Variants in MUC12 observed in about 807,000 individuals in gnomAD.
The protein encoded by MUC12 is mucin-12.
In MUC12, 172 loss-of-function variants were observed where a neutral mutation model predicts 230.8. The ratio of observed to expected loss-of-function variants is 0.75; its 90% confidence interval spans 0.66 to 0.85. The LOEUF is 0.85. Among genes scored for constraint, MUC12 ranks in the 40% least tolerant of loss-of-function variants. MUC12 has a pLI of 0.00. For synonymous variants in MUC12, 1,259 were observed against 2,401.9 expected (o/e 0.52, Z 13.91); for missense variants, 3,506 against 5,920.6 (o/e 0.59, Z 13.38).
At chr7:100,990,570 A>G (rs1793264312) in intron 1 of MUC12, 61 bp from the exon 2 acceptor site, 2 of 1,529,030 alleles carry the variant, frequency 1.3e-6, no homozygotes, top group African/African-American at 1.4e-5. Context: ...ATTGACTGCC[A>G]CCAAACATGA....
At chr7:100,975,734 G>C (rs975361682) in intron 1 of MUC12, among the ~76,000 whole-genome samples, 1 of 152,312 alleles carries the variant, frequency 6.6e-6, no homozygotes, top group Non-Finnish European at 1.5e-5. Context: ...TGGTAGTTGA[G>C]TAGGACAGGA....
In MUC12 at chr7:100,992,050, T is replaced by C. The variant is rs1184429870; in HGVS notation, c.1487T>C (p.Phe496Ser). ...KPGLSEKSTT[F>S]YSSPRSPDTT... is the part of the protein sequence containing the mutation. Reference sequence around the variant, plus strand: ...GGCCTCAGTGAGAAATCTACCACTTTCTACAGTAGCCCCAGATCACCAGAC... The same window carrying C: ...GGCCTCAGTGAGAAATCTACCACTTCCTACAGTAGCCCCAGATCACCAGAC... Residue 496 changes from phenylalanine to serine, a missense_variant, in exon 2 of 12, where the codon TTC becomes TCC. Phe to Ser is a radical substitution (Grantham distance 155). Transcript: ENST00000536621. The C allele has an allele frequency of 6.5e-7, 1 of 1,537,890 alleles. No homozygotes were observed. The highest frequency in any genetic ancestry group is 1.7e-4 in the Middle Eastern group (1 of 5,996).
chr7:101,012,115 TG>T (rs1187102117), intron 5 of MUC12, among the ~76,000 whole-genome samples, 180 bp from the exon 6 acceptor site: 8 of 152,198 alleles, frequency 5.3e-5, no homozygotes, highest in African/African-American at 1.7e-4. Flanking sequence ...TGTGAGATCT[TG>T]AATCGTTTCG....
chr7:101,017,676 C>T lies in MUC12; in HGVS notation c.15966+13C>T, dbSNP rs374176698. The T allele has an allele frequency of 6.3e-5, 97 of 1,529,892 alleles. No homozygotes were observed. The African/African-American group carries it at 1.2e-3, about 18-fold the overall frequency. The allele number at this position is 1,529,892 out of a possible 1,614,324, so 94.8% of individuals were successfully genotyped here. ...CTCTGGCACAGAGGTGACTCAGCTG[C>T]GAGCTGCCCCCACCCCCTGAGGCTG... On this transcript the variant is annotated intron_variant, in intron 11 of 11. Transcript: ENST00000536621.
In MUC12 at chr7:101,004,470, G is replaced by T; in HGVS notation, c.13907G>T (p.Ser4636Ile). 1.3e-6 allele frequency: 2 copies of T among 1,529,270 alleles called. No homozygotes were observed. Among genetic ancestry groups the T allele is most frequent in the Non-Finnish European group, 1.7e-6 (2 of 1,144,980 alleles). The allele number at this position is 1,529,270 out of a possible 1,614,324, so 94.7% of individuals were successfully genotyped here. ...GAAGAATCAAGAACTTCCCACAGCAGCACAACACACACAATATCTTCACCT... is the reference window on the plus strand; with the variant it reads ...GAAGAATCAAGAACTTCCCACAGCATCACAACACACACAATATCTTCACCT... ...RSEESRTSHS[S>I]TTHTISSPPS... Residue 4636 changes from serine (S) to isoleucine (I), a missense_variant, in exon 2 of 12, where the codon AGC becomes ATC. Transcript: ENST00000536621.
In MUC12 at chr7:101,003,445, A is replaced by G; in HGVS notation, c.12882A>G (p.Ser4294=). Residue 4294 remains serine, a synonymous_variant, in exon 2 of 12, where the codon TCA becomes TCG. Transcript: ENST00000536621. ...TCTTACCTGACAACACCACAGCCTC[A>G]GGCCTCCTTGAAGCATCTACACCCG... The part of the protein sequence containing the change: ...TTLLPDNTTA[S]GLLEASTPVH... 2 of 1,504,564 alleles carry G rather than the reference A, an allele frequency of 1.3e-6. No homozygotes were observed. Among genetic ancestry groups the G allele is most frequent in the Non-Finnish European group, 1.8e-6 (2 of 1,132,440 alleles). The allele number at this position is 1,504,564 out of a possible 1,614,324, so 93.2% of individuals were successfully genotyped here. A position where few individuals can be genotyped will look rare whatever the true frequency, so the allele number is the denominator to read the frequency against.
At chr7:100,990,489 GC>G in intron 1 of MUC12, 141 bp from the exon 2 acceptor site, 1 of 978,308 alleles carries the variant, frequency 1.0e-6, no homozygotes, top group Non-Finnish European at 1.5e-6. Context: ...CACTTCCTAT[GC>G]CCCCAAAAGG....
intron 1 of MUC12, among the ~76,000 whole-genome samples, chr7:100,977,387 G>A (rs556428310): frequency 1.2e-4 from 18 of 145,892 alleles, no homozygotes; most frequent in African/African-American, 4.1e-4. Context: ...TTTTTTTTGA[G>A]ACGGAGTGTC....
Position 100,991,730 on chromosome 7 carries a change from C to A in MUC12, c.1167C>A (p.Phe389Leu), listed in dbSNP as rs1288806222. 1 of 1,537,888 alleles carries A rather than the reference C, an allele frequency of 6.5e-7. No individual in the cohort carries two copies. Among genetic ancestry groups the A allele is most frequent in the Non-Finnish European group, 8.7e-7 (1 of 1,147,088 alleles). ...TSGHSEESAT[F>L]HGSTTHTKSS... ...GCCATAGTGAAGAATCAGCAACTTTCCACGGCAGCACAACACACACAAAAT... is the reference window on the plus strand; with the variant it reads ...GCCATAGTGAAGAATCAGCAACTTTACACGGCAGCACAACACACACAAAAT... The change falls in exon 2 of 12, where the codon TTC becomes TTA. Residue 389 changes from phenylalanine to leucine, a missense_variant. Physicochemically the swap from Phe to Leu is conservative, Grantham distance 22 (BLOSUM62 0). Transcript: ENST00000536621.
In MUC12 at chr7:100,986,238, C is replaced by A. The variant is rs575956464; in HGVS notation, c.68-4393C>A. 1.4e-4 allele frequency among the ~76,000 whole-genome samples: 21 copies of A among 151,956 alleles called. No individual in the cohort carries two copies. In the South Asian group the frequency reaches 1.9e-3, roughly 14 times the overall value. On this transcript the variant is annotated intron_variant, in intron 1 of 11. Coordinates refer to ENST00000536621, the MANE Select transcript of MUC12 (RefSeq NM_001164462.2). ...AAATTAGTGGGGCATGGTGGCACACCCCTGTAGCCCCAACGATTTGGGAGG... is the reference window on the plus strand; with the variant it reads ...AAATTAGTGGGGCATGGTGGCACACACCTGTAGCCCCAACGATTTGGGAGG...
chr7:100,991,821 G>T lies in MUC12; in HGVS notation c.1258G>T (p.Glu420Ter). Reference sequence around the variant, plus strand: ...CTACCACAGCAGCCTGGGCTCAACTGAAACAACACACTTCCGTGATAGCTC... The same window carrying T: ...CTACCACAGCAGCCTGGGCTCAACTTAAACAACACACTTCCGTGATAGCTC... Reference protein sequence around the residue: ...TSYHSSLGSTETTHFRDSSTI... With the variant: ...TSYHSSLGST Residue 420 changes from glutamate (E) to a stop codon, truncating the protein, a stop_gained, in exon 2 of 12, where the codon GAA becomes TAA. Transcript: ENST00000536621. LOFTEE classifies it high-confidence loss of function. The T allele has an allele frequency of 6.5e-7, 1 of 1,537,896 alleles. No individual in the cohort carries two copies.
At chr7:100,983,207 G>A (rs1793136398) in intron 1 of MUC12, among the ~76,000 whole-genome samples, 1 of 151,786 alleles carries the variant, frequency 6.6e-6, no homozygotes, top group African/African-American at 2.4e-5. Flanking sequence ...ATCATGTGAG[G>A]TCAGGAGTTC....
At chr7:101,014,099 A>G in intron 9 of MUC12, 25 bp downstream of exon 9, 1 of 1,509,472 alleles carries the variant, frequency 6.6e-7, no homozygotes, top group Non-Finnish European at 8.8e-7. Context: ...CCAGCACCGC[A>G]GGCCCACACA....
rs1457578481 is a variant in MUC12 at position 101,004,731 on chromosome 7, C to T, written c.14168C>T (p.Thr4723Ile). Residue 4723 changes from threonine to isoleucine, a missense_variant, in exon 2 of 12, where the codon ACA becomes ATA. Thr to Ile is a moderately conservative substitution (Grantham distance 89). Transcript: ENST00000536621. ...TATATCTCTCCAGGCTCAATGGAAA[C>T]AACATTAGCCAGCACTGCCACAACA... ...TFYISPGSME[T>I]TLASTATTPG... 1.3e-6 allele frequency: 2 copies of T among 1,536,984 alleles called. No individual in the cohort carries two copies. Among genetic ancestry groups the T allele is most frequent in the Non-Finnish European group, 1.7e-6 (2 of 1,146,360 alleles).
intron 1 of MUC12, among the ~76,000 whole-genome samples, chr7:100,986,600 C>T (rs1359462152): frequency 2.6e-5 from 4 of 152,198 alleles, no homozygotes; most frequent in Non-Finnish European, 4.4e-5. Flanking sequence ...CCCGGCCTTC[C>T]GTCTTGGTCC....
chr7:100,970,859 A>T (rs868288887), intron 1 of MUC12, among the ~76,000 whole-genome samples: 5 of 152,048 alleles, frequency 3.3e-5, no homozygotes, highest in Non-Finnish European at 5.9e-5. Flanking sequence ...TAGCCGGGCG[A>T]GGTGGCGGGC....
rs1474192430 is a variant in MUC12, at chr7:101,005,273, G to A, written c.14710G>A (p.Glu4904Lys). 4 of 1,537,844 alleles carry A rather than the reference G, an allele frequency of 2.6e-6. No homozygotes were observed. Among genetic ancestry groups the A allele is most frequent in the Admixed American group, 3.9e-5 (2 of 51,006 alleles). ...ATLTTTDIGQESTAFHSSSDA... is the reference protein window; with the variant it reads ...ATLTTTDIGQKSTAFHSSSDA... Reference sequence around the variant, plus strand: ...CCTCACAACCACAGACATTGGTCAGGAATCAACAGCCTTCCACAGCAGCTC... The same window carrying A: ...CCTCACAACCACAGACATTGGTCAGAAATCAACAGCCTTCCACAGCAGCTC... Residue 4904 changes from glutamate (E) to lysine (K), a missense_variant, in exon 2 of 12, where the codon GAA (glutamate) becomes AAA (lysine). By Grantham distance (56) the Glu-to-Lys change is moderately conservative. Transcript: ENST00000536621.
At chr7:100,974,242 T>G (rs1244241860) in intron 1 of MUC12, among the ~76,000 whole-genome samples, 2 of 152,296 alleles carry the variant, frequency 1.3e-5, no homozygotes, top group Admixed American at 6.5e-5. Context: ...TTTTTGGAAA[T>G]TCTTAGTGAT....
At position 101,012,801 on chromosome 7, in the gene MUC12, C is replaced by T. The variant is rs1314646480; in HGVS notation, c.15404-18C>T. ...GAAGTGTTTCTATTCCATCTTCCTT[C>T]CCATCCACTCTCGGCAGAGGCCATA... On this transcript the variant is annotated intron_variant, in intron 6 of 11. Transcript: ENST00000536621. 1 of 1,536,838 alleles carries T rather than the reference C, an allele frequency of 6.5e-7. No homozygotes were observed. Among genetic ancestry groups the T allele is most frequent in the African/African-American group, 1.4e-5 (1 of 73,168 alleles).
Sources: allele counts gnomAD v4.1 joint callset (sites outside exome capture counted in the v4.1 genomes callset), GRCh38; gene constraint gnomAD v4.1.1; transcripts MANE v1.5; gene names NCBI Gene and HGNC (gene_info 2026-07-23, HGNC 2026-07-21).